IFT140: variants seen among roughly 807,000 people sequenced by gnomAD.
The protein encoded by IFT140 is intraflagellar transport 140, also known as intraflagellar transport protein 140 homolog.
In IFT140, 133 loss-of-function variants were observed where a neutral mutation model predicts 164.6. That is an observed-to-expected ratio of 0.81 (90% CI 0.70 to 0.93). The LOEUF (loss-of-function observed/expected upper bound fraction) is 0.93, where lower values mean the gene tolerates loss of function less well. Ranked by LOEUF, IFT140 falls within the 40% of genes least tolerant of loss-of-function variation. The pLI is 0.00. For synonymous variants in IFT140, 860 were observed against 817.3 expected (o/e 1.05, Z -0.89); for missense variants, 2,045 against 1,972.3 (o/e 1.04, Z -0.70).
chr16:1,604,838 A>C (rs1193117549), intron 3 of IFT140, among the ~76,000 whole-genome samples: 1 of 152,038 alleles, frequency 6.6e-6, no homozygotes, highest in Admixed American at 6.6e-5. Flanking sequence ...AAATGTCAAC[A>C]GTCATGCCCA....
At chr16:1,569,675 T>A (rs1596382916) in intron 14 of IFT140, among the ~76,000 whole-genome samples, 2 of 151,360 alleles carry the variant, frequency 1.3e-5, no homozygotes, top group East Asian at 3.9e-4. Flanking sequence ...ACTGCAGCCT[T>A]GACCTCCTGG....
Position 1,523,529 on chromosome 16 carries a change from C to T in IFT140, c.3442G>A (p.Ala1148Thr), listed in dbSNP as rs1471323098. The T allele has an allele frequency of 1.9e-6, 3 of 1,611,134 alleles. No individual in the cohort carries two copies. In the Admixed American group the frequency reaches 5.0e-5, roughly 27 times the overall value. The part of the protein sequence containing the change: ...QYERAVELLL[A>T]ARKYQEALQL... ...CGCTGGCCCCGTACCTTCCTGGCAG[C>T]CAGCAGCAGCTCTACCGCCCTCTCG... The change falls in exon 26 of 31, where the codon GCT becomes ACT. Residue 1148 changes from alanine to threonine, a missense_variant. By Grantham distance (58) the Ala-to-Thr change is moderately conservative (BLOSUM62 0). Coordinates refer to ENST00000426508, the MANE Select transcript of IFT140 (RefSeq NM_014714.4).
chr16:1,510,940 C>A lies in IFT140; in HGVS notation c.*4G>T. On this transcript the variant is annotated 3_prime_UTR_variant, in exon 31 of 31. Coordinates refer to ENST00000426508, the MANE Select transcript of IFT140 (RefSeq NM_014714.4). ...CAGCACGCTGGTCCTGGGGCCCAGG[C>A]CCCTCAGGGGTCGTCATCTGCCTCT... 1 of 1,609,740 alleles carries A rather than the reference C, an allele frequency of 6.2e-7. No homozygotes were observed. The highest frequency in any genetic ancestry group is 8.5e-7 in the Non-Finnish European group (1 of 1,178,666).
In IFT140 at chr16:1,557,966, C is replaced by G. The variant is rs751323480; in HGVS notation, c.2368G>C (p.Glu790Gln). 6.2e-7 allele frequency: 1 copy of G among 1,613,820 alleles called. No homozygotes were observed. Among genetic ancestry groups the G allele is most frequent in the East Asian group, 2.2e-5 (1 of 44,882 alleles). The change falls in exon 19 of 31, where the codon GAA (glutamate) becomes CAA (glutamine). Residue 790 changes from glutamate to glutamine, a missense_variant. Transcript: ENST00000426508. ...SFFVTIGDMD[E>Q]AFKSIKLIKS... ...ATGAGCTTGATGGATTTGAAGGCTT[C>G]GTCCATGTCTCCTATGGTGACAAAG...
intron 29 of IFT140, among the ~76,000 whole-genome samples, chr16:1,519,653 C>G (rs933770111): frequency 6.6e-6 from 1 of 152,222 alleles, no homozygotes; most frequent in Non-Finnish European, 1.5e-5. Flanking sequence ...ACTCCCCCAC[C>G]AGGTTTCTCT....
intron 30 of IFT140, chr16:1,514,629 T>C (rs572472509): frequency 6.0e-4 from 91 of 152,180 alleles, no homozygotes; most frequent in African/African-American, 2.1e-3. Flanking sequence ...GCAAAGGTGA[T>C]TGCCTAATAA....
chr16:1,541,042 G>A (rs2031582643), intron 19 of IFT140: 1 of 985,424 alleles, frequency 1.0e-6, no homozygotes, highest in Non-Finnish European at 1.2e-6. Context: ...ACAGAAACGT[G>A]ACGAGCCCTG....
chr16:1,598,932 C>T (rs962864378), intron 4 of IFT140, among the ~76,000 whole-genome samples: 14 of 146,848 alleles, frequency 9.5e-5, no homozygotes, highest in African/African-American at 3.3e-4. Flanking sequence ...AAGTGAGGAG[C>T]GTCTCCGCCC....
At chr16:1,566,034 T>C (rs2033693719) in intron 16 of IFT140, 127 bp downstream of exon 16, 3 of 816,708 alleles carry the variant, frequency 3.7e-6, no homozygotes, top group Admixed American at 4.5e-5. Context: ...TTTTCCTCTT[T>C]CTTTTTCCTA....
intron 1 of IFT140, among the ~76,000 whole-genome samples, chr16:1,611,193 G>A (rs931685931): frequency 1.3e-5 from 2 of 152,210 alleles, no homozygotes; most frequent in African/African-American, 2.4e-5. Context: ...AGAGCCAAGC[G>A]AGGCAGGGAG....
intron 13 of IFT140, chr16:1,577,265 C>CTA (rs1305091428): frequency 1.3e-5 from 2 of 152,126 alleles, no homozygotes; most frequent in Non-Finnish European, 2.9e-5. Context: ...ATGATTCATC[C>CTA]TATAGACTTA....
At chr16:1,541,203 G>A (rs1233665721) in intron 19 of IFT140, 2 of 985,326 alleles carry the variant, frequency 2.0e-6, no homozygotes, top group African/African-American at 3.5e-5. Context: ...GGCCTGCTGT[G>A]AGTGGGGAAG....
intron 21 of IFT140, 149 bp from the exon 22 acceptor site, chr16:1,525,475 A>G: frequency 1.5e-6 from 1 of 671,416 alleles, no homozygotes; most frequent in Admixed American, 2.3e-5. Flanking sequence ...GACCCTGAGC[A>G]CACGTGGCCA....
Position 1,592,182 on chromosome 16 carries a change from T to C in IFT140, c.628A>G (p.Met210Val), listed in dbSNP as rs749432087. Residue 210 changes from methionine (M) to valine (V), a missense_variant, in exon 6 of 31, where the codon ATG becomes GTG. Met to Val is a conservative substitution (Grantham distance 21). Coordinates refer to ENST00000426508, the MANE Select transcript of IFT140 (RefSeq NM_014714.4). Reference sequence around the variant, plus strand: ...CACAACCAAAGTTCCTCACCGTCCATCAGACTGACAAAGAACAACAGCCCC... The same window carrying C: ...CACAACCAAAGTTCCTCACCGTCCACCAGACTGACAAAGAACAACAGCCCC... Reference protein sequence around the residue: ...HEGLLFFVSLMDGTVHYVDEK... With the variant: ...HEGLLFFVSLVDGTVHYVDEK... The C allele has an allele frequency of 1.1e-4, 184 of 1,614,018 alleles. No individual in the cohort carries two copies. Among genetic ancestry groups the C allele is most frequent in the Non-Finnish European group, 1.5e-4 (178 of 1,180,026 alleles).
intron 19 of IFT140, among the ~76,000 whole-genome samples, chr16:1,542,872 A>G (rs2031781873): frequency 6.6e-6 from 1 of 152,238 alleles, no homozygotes; most frequent in African/African-American, 2.4e-5. Context: ...GCAACCTGGG[A>G]CAGGTCTTGA....
At position 1,524,657 on chromosome 16, in the gene IFT140, G is replaced by A. The variant is rs2040621844; in HGVS notation, c.3036C>T (p.Ala1012=). Residue 1012 remains alanine, a synonymous_variant, in exon 24 of 31, where the codon GCC becomes GCT. Coordinates refer to ENST00000426508, the MANE Select transcript of IFT140 (RefSeq NM_014714.4). ...QIANETGNLA[A]SYHLARQYES... ...CGTACTGGCGGGCGAGGTGGTAGGA[G>A]GCCGCCAGGTTTCCTGTCTCGTTGG... 4 of 1,581,442 alleles carry A rather than the reference G, an allele frequency of 2.5e-6. No individual in the cohort carries two copies. The highest frequency in any genetic ancestry group is 1.1e-5 in the South Asian group (1 of 88,370).
intron 19 of IFT140, among the ~76,000 whole-genome samples, chr16:1,546,955 CCG>C (rs2032226403): frequency 6.6e-6 from 1 of 152,232 alleles, no homozygotes; most frequent in Non-Finnish European, 1.5e-5. Flanking sequence ...AGTGAAGTCC[CCG>C]CCGTCCCCCA....
At chr16:1,535,114 G>A (rs2235643) in intron 19 of IFT140, among the ~76,000 whole-genome samples, 38,187 of 151,882 alleles carry the variant, frequency 0.25, 4,956 homozygotes, top group South Asian at 0.32. Flanking sequence ...AAAAATACAC[G>A]GGTGAGTTCT....
At chr16:1,518,851 G>A (rs1236708536) in intron 29 of IFT140, among the ~76,000 whole-genome samples, 1 of 152,054 alleles carries the variant, frequency 6.6e-6, no homozygotes, top group Non-Finnish European at 1.5e-5. Context: ...CCAGGGAGGT[G>A]AGCCTGCTGG....
Sources: gnomAD v4.1 joint callset for allele counts (sites outside exome capture counted in the v4.1 genomes callset) on GRCh38, gnomAD v4.1.1 for gene constraint, MANE v1.5 for transcripts, NCBI Gene and HGNC (gene_info 2026-07-23, HGNC 2026-07-21) for gene names.